Variants in NRXN3 observed in about 807,000 individuals in gnomAD.
The protein encoded by NRXN3 is neurexin III.
NRXN3 carries 32 observed loss-of-function variants against 137.6 expected under a neutral mutation model. The observed-to-expected ratio is 0.23, with a 90% CI of 0.18 to 0.31. The LOEUF (loss-of-function observed/expected upper bound fraction) is 0.31. Among genes scored for constraint, NRXN3 ranks in the 10% least tolerant of loss-of-function variants. The pLI is 1.00. For missense variants in NRXN3, 1,574 were observed against 2,062.5 expected, an observed-to-expected ratio of 0.76 and a Z score of 4.59; for synonymous variants, 798 against 784.5, an observed-to-expected ratio of 1.02 and a Z score of -0.29.
chr14:78,559,560 A>T (rs1048985585), intron 4 of NRXN3, among the ~76,000 whole-genome samples: 2 of 152,232 alleles, frequency 1.3e-5, no homozygotes, highest in African/African-American at 2.4e-5. Context: ...ATCACACCAA[A>T]TACTTTCAGA....
intron 6 of NRXN3, among the ~76,000 whole-genome samples, chr14:78,705,545 A>C (rs751717585): frequency 1.1e-4 from 16 of 152,200 alleles, no homozygotes; most frequent in Non-Finnish European, 1.9e-4. Flanking sequence ...CATTTCCAAC[A>C]GAACCCCAAC....
chr14:79,323,652 G>A (rs2090406228), intron 15 of NRXN3, among the ~76,000 whole-genome samples: 1 of 151,898 alleles, frequency 6.6e-6, no homozygotes, highest in African/African-American at 2.4e-5. Context: ...AAGGCCAAGA[G>A]ATCGAGACCA....
chr14:79,462,861 A>ATGTATACGTATATGTACATACACAT (rs1600667779), intron 15 of NRXN3, among the ~76,000 whole-genome samples: 4 of 140,778 alleles, frequency 2.8e-5, no homozygotes, highest in Non-Finnish European at 6.0e-5. Context: ...ATACACAATG[A>ATGTATACGTATATGTACATACACAT]ATGTATATGT....
intron 19 of NRXN3, among the ~76,000 whole-genome samples, chr14:79,725,580 C>T (rs1484676885): frequency 6.6e-6 from 1 of 152,124 alleles, no homozygotes; most frequent in South Asian, 2.1e-4. Context: ...TTATGTTCCG[C>T]TCTAACCTTA....
chr14:78,379,813 C>T (rs2088696623), intron 4 of NRXN3, among the ~76,000 whole-genome samples: 1 of 152,124 alleles, frequency 6.6e-6, no homozygotes, highest in East Asian at 1.9e-4. Flanking sequence ...AAATAAACTG[C>T]CCCTATTTTC....
intron 15 of NRXN3, among the ~76,000 whole-genome samples, chr14:79,255,642 A>G (rs1387374552): frequency 2.6e-5 from 4 of 152,238 alleles, no homozygotes; most frequent in Non-Finnish European, 5.9e-5. Flanking sequence ...TATCATCCTT[A>G]TTATCCATTG....
chr14:79,654,065 TTCC>T (rs1420317711), intron 16 of NRXN3, among the ~76,000 whole-genome samples: 3 of 152,184 alleles, frequency 2.0e-5, no homozygotes, highest in African/African-American at 7.2e-5. Context: ...TTCCAGCCAG[TTCC>T]TCCTTATCTG....
intron 4 of NRXN3, among the ~76,000 whole-genome samples, chr14:78,475,275 ATT>A (rs964760449): frequency 5.3e-5 from 8 of 152,118 alleles, no homozygotes; most frequent in Middle Eastern, 3.2e-3. Context: ...CCTATATGCT[ATT>A]TAATTTTGCA....
At chr14:78,723,397 A>C (rs1377370487) in intron 8 of NRXN3, among the ~76,000 whole-genome samples, 1 of 152,204 alleles carries the variant, frequency 6.6e-6, no homozygotes, top group African/African-American at 2.4e-5. Flanking sequence ...ACAGCTAAAG[A>C]ATAGCTGAAA....
intron 4 of NRXN3, among the ~76,000 whole-genome samples, chr14:78,472,592 C>T (rs1266811070): frequency 6.6e-6 from 1 of 152,190 alleles, no homozygotes; most frequent in African/African-American, 2.4e-5. Context: ...TGGGAGTTGT[C>T]TGGCTCACAG....
intron 16 of NRXN3, among the ~76,000 whole-genome samples, chr14:79,561,747 G>A (rs867326655): frequency 6.6e-6 from 1 of 152,170 alleles, no homozygotes; most frequent in African/African-American, 2.4e-5. Context: ...TGAGGAACAC[G>A]CATAATTAGA....
intron 15 of NRXN3, among the ~76,000 whole-genome samples, chr14:79,444,441 A>G (rs541877873): frequency 2.6e-5 from 4 of 152,224 alleles, no homozygotes; most frequent in Non-Finnish European, 4.4e-5. Flanking sequence ...TAAGTTTAAT[A>G]TGATTTTGTA....
chr14:78,574,173 A>G (rs2096915024), intron 4 of NRXN3, among the ~76,000 whole-genome samples: 1 of 152,244 alleles, frequency 6.6e-6, no homozygotes, highest in Non-Finnish European at 1.5e-5. Context: ...ATGTATGGGA[A>G]TGCCTGGATA....
intron 4 of NRXN3, among the ~76,000 whole-genome samples, chr14:78,484,858 G>T (rs1420593283): frequency 1.3e-5 from 2 of 152,162 alleles, no homozygotes; most frequent in Admixed American, 6.5e-5. Flanking sequence ...AAAGCAAGGG[G>T]TGGGGAAATT....
At chr14:78,407,074 T>A (rs1255808065) in intron 4 of NRXN3, among the ~76,000 whole-genome samples, 1 of 152,294 alleles carries the variant, frequency 6.6e-6, no homozygotes, top group South Asian at 2.1e-4. Flanking sequence ...GATATGACAT[T>A]TGTTGTTTCA....
intron 15 of NRXN3, among the ~76,000 whole-genome samples, chr14:79,458,206 A>G (rs2096281803): frequency 6.6e-6 from 1 of 152,182 alleles, no homozygotes; most frequent in African/African-American, 2.4e-5. Context: ...GAGGAGTAAC[A>G]TAAAACAATT....
intron 4 of NRXN3, among the ~76,000 whole-genome samples, chr14:78,631,161 A>T (rs2097518966): frequency 6.6e-6 from 1 of 152,202 alleles, no homozygotes. Context: ...TTCATTTAAC[A>T]TCCTCTTAGA....
chr14:78,525,378 G>A (rs577119770), intron 4 of NRXN3, among the ~76,000 whole-genome samples: 1 of 152,196 alleles, frequency 6.6e-6, no homozygotes, highest in Non-Finnish European at 1.5e-5. Context: ...ATGCCTAGGT[G>A]ATGAGAACAT....
intron 10 of NRXN3, among the ~76,000 whole-genome samples, chr14:78,879,508 C>T (rs759939079): frequency 1.5e-4 from 23 of 152,064 alleles, no homozygotes; most frequent in Non-Finnish European, 3.1e-4. Flanking sequence ...ACTTGTTAGC[C>T]GTCTGTATGT....
Sources: allele counts gnomAD v4.1 joint callset (sites outside exome capture counted in the v4.1 genomes callset), GRCh38; gene constraint gnomAD v4.1.1; transcripts MANE v1.5; gene names NCBI Gene and HGNC (gene_info 2026-07-23, HGNC 2026-07-21).